Variants in TRAP1 observed in about 807,000 individuals in gnomAD.
The protein encoded by TRAP1 is heat shock protein 75 kDa, mitochondrial.
In TRAP1, 102 loss-of-function variants were observed where a neutral mutation model predicts 89.1. That is an observed-to-expected ratio of 1.15 (90% CI 0.98 to 1.35). The LOEUF (loss-of-function observed/expected upper bound fraction) is 1.35. TRAP1 is among the 40% of genes most tolerant of loss of function. TRAP1 has a pLI of 0.00. For synonymous variants in TRAP1, 508 were observed against 388.0 expected (o/e 1.31, Z -3.64); for missense variants, 1,256 against 945.3 (o/e 1.33, Z -4.31).
intron 1 of TRAP1, among the ~76,000 whole-genome samples, chr16:3,691,573 G>A (rs117354481): frequency 1.5e-4 from 23 of 151,992 alleles, no homozygotes; most frequent in Admixed American, 1.1e-3. Flanking sequence ...GTGACACCTC[G>A]CATCAACCTA....
chr16:3,706,127 G>C (rs997098287), intron 1 of TRAP1, among the ~76,000 whole-genome samples: 8 of 149,756 alleles, frequency 5.3e-5, no homozygotes, highest in Non-Finnish European at 1.2e-4. Flanking sequence ...GTTAATTTTT[G>C]TATTTTTAGT....
chr16:3,705,380 AT>A (rs2051428236), intron 1 of TRAP1, among the ~76,000 whole-genome samples: 1 of 151,566 alleles, frequency 6.6e-6, no homozygotes, highest in Non-Finnish European at 1.5e-5. Flanking sequence ...ACTACAGAAC[AT>A]TTTTATCACC....
chr16:3,685,056 C>T (rs1442890689), intron 4 of TRAP1, among the ~76,000 whole-genome samples: 1 of 152,188 alleles, frequency 6.6e-6, no homozygotes, highest in African/African-American at 2.4e-5. Context: ...GTCCCCATGA[C>T]CCCTTGCCCC....
chr16:3,710,623 G>C (rs1303729117), intron 1 of TRAP1, among the ~76,000 whole-genome samples: 31 of 152,068 alleles, frequency 2.0e-4, no homozygotes, highest in Admixed American at 2.0e-3. Context: ...AAATTCGCTT[G>C]AACATTCCAT....
chr16:3,675,275 C>G, intron 8 of TRAP1, 49 bp downstream of exon 8: 2 of 1,583,378 alleles, frequency 1.3e-6, no homozygotes, highest in Non-Finnish European at 1.7e-6. Context: ...CTGAAACGTA[C>G]AGATTTGTCT....
intron 5 of TRAP1, among the ~76,000 whole-genome samples, chr16:3,679,434 CAAG>C (rs563817735): frequency 5.3e-5 from 8 of 152,152 alleles, no homozygotes; most frequent in Admixed American, 1.3e-4. Context: ...CTAAAGCATA[CAAG>C]AAGATGTGTC....
At chr16:3,692,277 C>T (rs566990663) in intron 1 of TRAP1, among the ~76,000 whole-genome samples, 98 of 152,164 alleles carry the variant, frequency 6.4e-4, no homozygotes, top group African/African-American at 2.2e-3. Context: ...GGCTCACGCC[C>T]GTAAACCCAG....
At chr16:3,713,624 G>A (rs1367104579) in intron 1 of TRAP1, among the ~76,000 whole-genome samples, 2 of 152,230 alleles carry the variant, frequency 1.3e-5, no homozygotes, top group African/African-American at 2.4e-5. Flanking sequence ...GCATGACCAG[G>A]AGACTGGACT....
At chr16:3,712,269 C>T (rs563475477) in intron 1 of TRAP1, among the ~76,000 whole-genome samples, 6 of 67,856 alleles carry the variant, frequency 8.8e-5, no homozygotes, top group African/African-American at 3.1e-4. Flanking sequence ...AGCCTGGCGA[C>T]AGAAAGAATC....
intron 4 of TRAP1, among the ~76,000 whole-genome samples, chr16:3,683,686 A>G (rs557756403): frequency 7.7e-4 from 117 of 151,174 alleles, no homozygotes; most frequent in Non-Finnish European, 1.5e-3. Flanking sequence ...GCACCCGGCC[A>G]TAAGGTTTCA....
chr16:3,664,466 G>C lies in TRAP1; in HGVS notation c.1384-7C>G. 1 of 1,606,120 alleles carries C rather than the reference G, an allele frequency of 6.2e-7. No homozygotes were observed. Among genetic ancestry groups the C allele is most frequent in the South Asian group, 1.1e-5 (1 of 89,892 alleles). ...GCAGCTTTGCTATGTCCTCCTAGAA[G>C]GGACGGGGCAGGTCACCACTTATTC... is the stretch of plus-strand genomic sequence containing the variant. On this transcript the variant is annotated splice_polypyrimidine_tract_variant and splice_region_variant and intron_variant, in intron 12 of 17. Coordinates refer to ENST00000246957, the MANE Select transcript of TRAP1 (RefSeq NM_016292.3).
chr16:3,686,499 T>A (rs973473180), intron 3 of TRAP1, among the ~76,000 whole-genome samples: 2 of 152,162 alleles, frequency 1.3e-5, no homozygotes, highest in African/African-American at 4.8e-5. Flanking sequence ...AAAATTTTTA[T>A]AGACACAGGG....
At chr16:3,706,144 G>A (rs1023510684) in intron 1 of TRAP1, among the ~76,000 whole-genome samples, 4 of 151,772 alleles carry the variant, frequency 2.6e-5, no homozygotes, top group East Asian at 1.9e-4. Flanking sequence ...TAGTAGAGAC[G>A]GGTTTTGCCA....
intron 11 of TRAP1, among the ~76,000 whole-genome samples, chr16:3,666,664 G>A (rs746939586): frequency 7.9e-5 from 12 of 152,052 alleles, no homozygotes; most frequent in Admixed American, 2.0e-4. Flanking sequence ...ATTACAGTAC[G>A]TCTATAGATA....
intron 11 of TRAP1, among the ~76,000 whole-genome samples, 161 bp downstream of exon 11, chr16:3,671,561 C>T (rs1002741159): frequency 6.6e-6 from 1 of 152,218 alleles, no homozygotes; most frequent in African/African-American, 2.4e-5. Context: ...GAGGCCAGGC[C>T]AGCACCTGGA....
intron 1 of TRAP1, 24 bp downstream of exon 1, chr16:3,717,397 C>T (rs2051612023): frequency 1.9e-6 from 2 of 1,030,982 alleles, no homozygotes; most frequent in Admixed American, 4.4e-5. Context: ...CCGCCCGCTG[C>T]CCGTCCAGCC....
chr16:3,687,162 T>C (rs1045133119), intron 3 of TRAP1: 3 of 152,178 alleles, frequency 2.0e-5, no homozygotes, highest in African/African-American at 7.2e-5. Flanking sequence ...AAGTGAATCA[T>C]GGGGGCCGTT....
chr16:3,668,730 C>T (rs886285737), intron 11 of TRAP1, among the ~76,000 whole-genome samples: 3 of 152,204 alleles, frequency 2.0e-5, no homozygotes, highest in Admixed American at 6.5e-5. Context: ...GCATGCCTGC[C>T]ACAGCCAGGA....
At chr16:3,666,427 T>C (rs1179669212) in intron 11 of TRAP1, among the ~76,000 whole-genome samples, 2 of 152,088 alleles carry the variant, frequency 1.3e-5, no homozygotes, top group African/African-American at 4.8e-5. Flanking sequence ...TTATAGGAAC[T>C]GCACCTTAGG....
Sources: allele counts gnomAD v4.1 joint callset (sites outside exome capture counted in the v4.1 genomes callset), GRCh38; gene constraint gnomAD v4.1.1; transcripts MANE v1.5; gene names NCBI Gene and HGNC (gene_info 2026-07-23, HGNC 2026-07-21).